RASEF: variants seen among roughly 807,000 people sequenced by gnomAD.
The protein encoded by RASEF is ras and EF-hand domain-containing protein.
RASEF carries 68 observed loss-of-function variants against 90.1 expected under a neutral mutation model. The observed-to-expected ratio is 0.75, with a 90% confidence interval of 0.62 to 0.92. RASEF has a LOEUF of 0.92. Among genes scored for constraint, RASEF ranks in the 40% least tolerant of loss-of-function variants. The pLI is 0.00. For synonymous variants in RASEF, 331 were observed against 345.2 expected (o/e 0.96, Z 0.46); for missense variants, 949 against 937.2 (o/e 1.01, Z -0.16).
At chr9:83,086,492 A>G in the RASEF span, among the ~76,000 whole-genome samples, 712 of 152,336 alleles carry the variant, frequency 4.7e-3, 8 homozygotes, top group Non-Finnish European at 5.0e-3. Flanking sequence ...CTTACAGCTT[A>G]AAACCATAAC....
chr9:83,111,368 G>A, the RASEF span, among the ~76,000 whole-genome samples: 13 of 152,124 alleles, frequency 8.5e-5, no homozygotes, highest in African/African-American at 2.9e-4. Flanking sequence ...ATGGAAAGAT[G>A]TTCTTCAAAG....
At chr9:83,145,433 C>G in the RASEF span, among the ~76,000 whole-genome samples, 1 of 151,952 alleles carries the variant, frequency 6.6e-6, no homozygotes, top group Non-Finnish European at 1.5e-5. Flanking sequence ...CCATTTAGCT[C>G]AAGAGACCTT....
chr9:83,120,107 A>G, the RASEF span, among the ~76,000 whole-genome samples: 1 of 152,208 alleles, frequency 6.6e-6, no homozygotes, highest in African/African-American at 2.4e-5. Context: ...CAAATCTGAA[A>G]GAAGCCTTGC....
intron 16 of RASEF, among the ~76,000 whole-genome samples, chr9:82,984,663 T>C (rs1828679694): frequency 6.6e-6 from 1 of 152,098 alleles, no homozygotes; most frequent in African/African-American, 2.4e-5. Flanking sequence ...GAAGACTCAT[T>C]TCAGGTTTCT....
chr9:83,165,820 G>A, the RASEF span, among the ~76,000 whole-genome samples: 5 of 151,996 alleles, frequency 3.3e-5, no homozygotes, highest in African/African-American at 9.6e-5. Flanking sequence ...ATGAAAGAGG[G>A]GACATCACTA....
the RASEF span, chr9:83,200,990 A>G: frequency 1.3e-5 from 2 of 152,220 alleles, no homozygotes; most frequent in South Asian, 2.1e-4. Context: ...AAGACTTTCA[A>G]TATCTGGAGT....
the RASEF span, among the ~76,000 whole-genome samples, chr9:83,176,335 C>A: frequency 6.6e-6 from 1 of 152,184 alleles, no homozygotes; most frequent in African/African-American, 2.4e-5. Context: ...TTATAGTTTA[C>A]ATGAAATAAC....
At chr9:83,189,213 G>A in the RASEF span, among the ~76,000 whole-genome samples, 5 of 152,282 alleles carry the variant, frequency 3.3e-5, no homozygotes, top group Admixed American at 2.6e-4. Flanking sequence ...GAGTTCTAAT[G>A]ACATCTGAGG....
At chr9:83,167,178 T>C in the RASEF span, among the ~76,000 whole-genome samples, 1 of 152,208 alleles carries the variant, frequency 6.6e-6, no homozygotes, top group Non-Finnish European at 1.5e-5. Flanking sequence ...AAAATCAGAC[T>C]TTTGAGTCTC....
chr9:83,087,405 T>TTCTCTCTCTCTCTCTCTCTCTCTCTCTC, the RASEF span, among the ~76,000 whole-genome samples: 51 of 115,592 alleles, frequency 4.4e-4, 1 homozygote, highest in African/African-American at 9.3e-4. Flanking sequence ...TTCTCATTCA[T>TTCTCTCTCTCTCTCTCTCTCTCTCTCTC]TCTCTCTCTC....
chr9:83,088,835 T>C, the RASEF span, among the ~76,000 whole-genome samples: 1 of 152,026 alleles, frequency 6.6e-6, no homozygotes, highest in Non-Finnish European at 1.5e-5. Flanking sequence ...GAATCTCTTA[T>C]AGATACCATA....
At chr9:83,173,628 C>A in the RASEF span, among the ~76,000 whole-genome samples, 1 of 151,818 alleles carries the variant, frequency 6.6e-6, no homozygotes, top group East Asian at 1.9e-4. Context: ...TCTTTGATAG[C>A]ATTCTGAATT....
At chr9:83,055,478 G>A (rs2117885056) in intron 1 of RASEF, 1 of 672,424 alleles carries the variant, frequency 1.5e-6, no homozygotes, top group East Asian at 2.8e-5. Context: ...CGGTACCTCA[G>A]ATGGAAATGC....
At chr9:83,114,491 T>C in the RASEF span, among the ~76,000 whole-genome samples, 1 of 152,198 alleles carries the variant, frequency 6.6e-6, no homozygotes, top group Non-Finnish European at 1.5e-5. Context: ...GAGAGAACCT[T>C]AAACTCTGAC....
chr9:83,006,526 A>C (rs1054457927), intron 7 of RASEF, among the ~76,000 whole-genome samples: 9 of 152,148 alleles, frequency 5.9e-5, no homozygotes, highest in Non-Finnish European at 1.3e-4. Context: ...AAAAGGTCAA[A>C]CCTGACCTGA....
intron 1 of RASEF, among the ~76,000 whole-genome samples, chr9:83,053,810 G>GT (rs1437012310): frequency 7.9e-6 from 1 of 126,602 alleles, no homozygotes; most frequent in Non-Finnish European, 1.6e-5. Context: ...ATGAAGCTTA[G>GT]TTTGGCTGGA....
At chr9:83,090,264 G>A in the RASEF span, among the ~76,000 whole-genome samples, 1 of 151,784 alleles carries the variant, frequency 6.6e-6, no homozygotes, top group Non-Finnish European at 1.5e-5. Flanking sequence ...AGTTTTTTAG[G>A]CATGGCTTTA....
chr9:83,007,358 C>A (rs923283883), intron 7 of RASEF, 79 bp downstream of exon 7: 2 of 1,138,908 alleles, frequency 1.8e-6, no homozygotes, highest in Non-Finnish European at 1.3e-6. Flanking sequence ...TGGCAACTCA[C>A]GTTCTATGTG....
the RASEF span, among the ~76,000 whole-genome samples, chr9:83,210,389 C>T: frequency 1.1e-4 from 17 of 152,334 alleles, no homozygotes; most frequent in Non-Finnish European, 1.8e-4. Context: ...AATATTCTTA[C>T]TTTGCAGAAT....
Sources: allele counts gnomAD v4.1 joint callset (sites outside exome capture counted in the v4.1 genomes callset), GRCh38; gene constraint gnomAD v4.1.1; transcripts MANE v1.5; gene names NCBI Gene and HGNC (gene_info 2026-07-23, HGNC 2026-07-21).